The following APBA2 variants were observed in gnomAD, a reference collection of about 807,000 sequenced individuals.
APBA2 encodes amyloid beta precursor protein binding family A member 2, also known as amyloid-beta A4 precursor protein-binding family A member 2.
APBA2 carries 30 observed loss-of-function variants against 75.0 expected under a neutral mutation model. The observed-to-expected ratio is 0.40, with a 90% CI of 0.30 to 0.54. The LOEUF is 0.54. Among genes scored for constraint, APBA2 ranks in the 20% least tolerant of loss-of-function variants. The pLI, the probability that APBA2 is intolerant of heterozygous loss-of-function variation, is 0.49. For missense variants in APBA2, 801 were observed against 1,016.1 expected (o/e 0.79, Z 2.88); for synonymous variants, 444 against 409.6 (o/e 1.08, Z -1.01).
At chr15:28,905,147 C>T (rs773032121) in intron 1 of APBA2, among the ~76,000 whole-genome samples, 11 of 152,130 alleles carry the variant, frequency 7.2e-5, no homozygotes, top group Non-Finnish European at 1.5e-4. Flanking sequence ...CCTGGTGTCC[C>T]GGAGCTGTTG....
intron 2 of APBA2, among the ~76,000 whole-genome samples, chr15:28,973,124 G>A (rs1257314372): frequency 3.3e-5 from 5 of 152,166 alleles, no homozygotes; most frequent in African/African-American, 1.2e-4. Context: ...ACTCCATTGA[G>A]GTCCGGACTC....
intron 3 of APBA2, among the ~76,000 whole-genome samples, chr15:29,004,222 G>T (rs1268724941): frequency 2.0e-5 from 3 of 152,176 alleles, no homozygotes; most frequent in South Asian, 2.1e-4. Flanking sequence ...GGCCTTTCAG[G>T]GTTGGAGAGA....
At chr15:28,994,373 A>C (rs940050384) in intron 2 of APBA2, among the ~76,000 whole-genome samples, 1 of 152,116 alleles carries the variant, frequency 6.6e-6, no homozygotes, top group African/African-American at 2.4e-5. Context: ...GGGTGTGATA[A>C]AGAGGCCTCC....
intron 3 of APBA2, among the ~76,000 whole-genome samples, chr15:29,036,497 C>G (rs2040759526): frequency 6.6e-6 from 1 of 152,056 alleles, no homozygotes; most frequent in South Asian, 2.1e-4. Flanking sequence ...CTGGAGAAAC[C>G]TGGTCGGGTG....
intron 2 of APBA2, among the ~76,000 whole-genome samples, chr15:28,969,127 T>TTTTTC (rs1196795818): frequency 1.7e-4 from 22 of 131,390 alleles, no homozygotes; most frequent in African/African-American, 5.3e-4. Flanking sequence ...CTTTCATTTC[T>TTTTTC]TTTTCTTTCT....
At chr15:28,977,052 A>G (rs1273309493) in intron 2 of APBA2, 2 of 152,218 alleles carry the variant, frequency 1.3e-5, no homozygotes, top group Non-Finnish European at 2.9e-5. Context: ...GCTTCCTTCA[A>G]CACTACCATT....
chr15:28,939,062 G>C (rs965423625), intron 2 of APBA2, among the ~76,000 whole-genome samples: 4 of 151,928 alleles, frequency 2.6e-5, no homozygotes, highest in Non-Finnish European at 5.9e-5. Context: ...CTTTCCCTCT[G>C]TCTGAATTCA....
chr15:28,919,974 C>A (rs987428710), intron 1 of APBA2, among the ~76,000 whole-genome samples: 4 of 152,188 alleles, frequency 2.6e-5, no homozygotes, highest in African/African-American at 9.7e-5. Flanking sequence ...CCCTCCTCAC[C>A]CAGCAGAGGC....
At chr15:29,049,158 C>T (rs1405380925) in intron 3 of APBA2, among the ~76,000 whole-genome samples, 1 of 152,148 alleles carries the variant, frequency 6.6e-6, no homozygotes, top group Non-Finnish European at 1.5e-5. Flanking sequence ...ATATTGGAAT[C>T]ACCTGGGAAA....
Position 28,963,368 on chromosome 15 carries a change from C to T in APBA2, c.-94-32385C>T, listed in dbSNP as rs117070550. On this transcript the variant is annotated intron_variant, in intron 2 of 14. Coordinates refer to ENST00000683413, the MANE Select transcript of APBA2 (RefSeq NM_001353788.2). ...TGTTGAAGATCCTCAGCCAGTGAGG[C>T]GCCTTCCCTGTGCCCAGCACATTGC... Among the ~76,000 whole-genome samples, 99 of 152,314 alleles carry T rather than the reference C, an allele frequency of 6.5e-4. 1 individual carries two copies. The East Asian group carries it at 0.017, about 26-fold the overall frequency.
chr15:29,111,665 TG>T (rs1010392620), intron 13 of APBA2, among the ~76,000 whole-genome samples: 13 of 151,880 alleles, frequency 8.6e-5, no homozygotes, highest in African/African-American at 2.7e-4. Context: ...GTGGTCATGG[TG>T]GGGGTTGAGG....
In APBA2 at chr15:29,079,322, G is replaced by T. The variant is rs77562622; in HGVS notation, c.1069+3231G>T. 7.1e-3 allele frequency among the ~76,000 whole-genome samples: 1,085 copies of T among 152,196 alleles called. 11 individuals are homozygous for T. Among genetic ancestry groups the T allele is most frequent in the African/African-American group, 0.025 (1,020 of 41,522 alleles). On this transcript the variant is annotated intron_variant, in intron 6 of 14. Coordinates refer to ENST00000683413, the MANE Select transcript of APBA2 (RefSeq NM_001353788.2). ...AGACTAGCTGTGTGGGTGCAGTGTG[G>T]ACTCCCATCAGAGAGTCCAGGAGGC... is the stretch of plus-strand genomic sequence containing the variant.
At chr15:28,969,272 G>A (rs569202473) in intron 2 of APBA2, among the ~76,000 whole-genome samples, 29 of 151,428 alleles carry the variant, frequency 1.9e-4, no homozygotes, top group African/African-American at 6.8e-4. Context: ...CCTCCGTCTC[G>A]CGGGCTCAAG....
chr15:28,960,462 C>CAA (rs112383004), intron 2 of APBA2, among the ~76,000 whole-genome samples: 60 of 135,704 alleles, frequency 4.4e-4, no homozygotes, highest in African/African-American at 1.3e-3. Flanking sequence ...GACCTTGTCT[C>CAA]AAAAAAAAAA....
chr15:29,077,448 C>T (rs1389604863), intron 6 of APBA2, among the ~76,000 whole-genome samples: 1 of 152,218 alleles, frequency 6.6e-6, no homozygotes, highest in East Asian at 1.9e-4. Flanking sequence ...GGACAGAACT[C>T]TCACACTAGG....
At chr15:29,038,653 C>T (rs933175660) in intron 3 of APBA2, among the ~76,000 whole-genome samples, 1 of 149,514 alleles carries the variant, frequency 6.7e-6, no homozygotes, top group African/African-American at 2.5e-5. Flanking sequence ...TGGCTCTGTC[C>T]TATATGCAGG....
chr15:29,006,035 G>A (rs1337127489), intron 3 of APBA2, among the ~76,000 whole-genome samples: 1 of 152,122 alleles, frequency 6.6e-6, no homozygotes, highest in East Asian at 1.9e-4. Flanking sequence ...AGACAAGGAT[G>A]CCCCCTTTCA....
At chr15:28,997,695 C>T (rs1343192099) in intron 3 of APBA2, among the ~76,000 whole-genome samples, 1 of 152,150 alleles carries the variant, frequency 6.6e-6, no homozygotes, top group Non-Finnish European at 1.5e-5. Context: ...TCATTACATT[C>T]TGTTAGAGTC....
In APBA2 at chr15:29,093,175, A is replaced by C. The variant is rs1248625793; in HGVS notation, c.1170A>C (p.Lys390Asn). The C allele has an allele frequency of 1.2e-6, 2 of 1,614,176 alleles. No individual in the cohort carries two copies. The highest frequency in any genetic ancestry group is 1.7e-6 in the Non-Finnish European group (2 of 1,180,060). Residue 390 changes from lysine (K) to asparagine (N), a missense_variant, in exon 7 of 15, where the codon AAA becomes AAC. Coordinates refer to ENST00000683413, the MANE Select transcript of APBA2 (RefSeq NM_001353788.2). ...TGCTATCAGAACGGAACCCTTCCAA[A>C]AACATCAGAATGATGCAAGCGCAGG... is the stretch of plus-strand genomic sequence containing the variant. ...TQLLSERNPS[K>N]NIRMMQAQEA... is the part of the protein sequence containing the mutation.
Sources: gnomAD v4.1 joint callset for allele counts (sites outside exome capture counted in the v4.1 genomes callset) on GRCh38, gnomAD v4.1.1 for gene constraint, MANE v1.5 for transcripts, NCBI Gene and HGNC (gene_info 2026-07-23, HGNC 2026-07-21) for gene names.